Variants in EVA1C observed in about 807,000 individuals in gnomAD.
EVA1C encodes the protein protein eva-1 homolog C.
A neutral mutation model predicts 45.4 loss-of-function variants in EVA1C; 25 were observed. That is an observed-to-expected ratio of 0.55 (90% confidence interval 0.40 to 0.77). EVA1C has a LOEUF of 0.77. Among genes scored for constraint, EVA1C ranks in the 30% least tolerant of loss-of-function variants. The pLI is 0.00. For synonymous variants in EVA1C, 190 were observed against 221.2 expected (o/e 0.86, Z 1.25); for missense variants, 479 against 554.8 (o/e 0.86, Z 1.37).
At chr21:32,449,800 T>C (rs536408443) in intron 1 of EVA1C, among the ~76,000 whole-genome samples, 47 of 152,192 alleles carry the variant, frequency 3.1e-4, no homozygotes, top group Non-Finnish European at 3.8e-4. Context: ...TTTTTGCATT[T>C]TTAGTAGAGA....
At chr21:32,502,036 CT>C (rs368776643) in intron 6 of EVA1C, among the ~76,000 whole-genome samples, 57 of 78,154 alleles carry the variant, frequency 7.3e-4, no homozygotes, top group African/African-American at 1.0e-3. Context: ...TTCTTTCTTT[CT>C]TTCTTTCTTT....
chr21:32,433,911 C>T (rs2034816575), intron 1 of EVA1C, among the ~76,000 whole-genome samples: 1 of 152,120 alleles, frequency 6.6e-6, no homozygotes, highest in Non-Finnish European at 1.5e-5. Context: ...GCAATCCTAG[C>T]ACTTTGGGAG....
chr21:32,501,345 A>T, intron 5 of EVA1C, 70 bp from the exon 6 acceptor site: 1 of 1,324,190 alleles, frequency 7.6e-7, no homozygotes, highest in Non-Finnish European at 1.0e-6. Flanking sequence ...CATTGCATTT[A>T]AAAATGTATT....
intron 7 of EVA1C, among the ~76,000 whole-genome samples, chr21:32,504,852 T>G (rs1245675393): frequency 6.6e-6 from 1 of 152,044 alleles, no homozygotes; most frequent in Non-Finnish European, 1.5e-5. Context: ...AAGACATACC[T>G]GAGGCTGGGT....
At chr21:32,501,893 T>C (rs2037540846) in intron 6 of EVA1C, among the ~76,000 whole-genome samples, 1 of 152,098 alleles carries the variant, frequency 6.6e-6, no homozygotes, top group Non-Finnish European at 1.5e-5. Flanking sequence ...TGTACCTCTG[T>C]ACACACCACC....
In EVA1C at chr21:32,457,734, G is replaced by A; in HGVS notation, c.481+14G>A. Reference sequence around the variant, plus strand: ...AATGCCAACCTAGTAAGTAACTTCGGAGGGGGACAGTGTGTTTGGGGTGTG... The same window carrying A: ...AATGCCAACCTAGTAAGTAACTTCGAAGGGGGACAGTGTGTTTGGGGTGTG... On this transcript the variant is annotated intron_variant, in intron 3 of 7. Transcript: ENST00000300255. 1.2e-6 allele frequency: 2 copies of A among 1,614,018 alleles called. No individual in the cohort carries two copies. Among genetic ancestry groups the A allele is most frequent in the Non-Finnish European group, 1.7e-6 (2 of 1,179,924 alleles).
intron 4 of EVA1C, among the ~76,000 whole-genome samples, chr21:32,490,979 A>T (rs949055892): frequency 6.6e-6 from 1 of 152,248 alleles, no homozygotes; most frequent in Non-Finnish European, 1.5e-5. Flanking sequence ...CAGGACCAGC[A>T]TAAGTGCTGG....
At chr21:32,436,244 A>G (rs1374019740) in intron 1 of EVA1C, among the ~76,000 whole-genome samples, 1 of 152,042 alleles carries the variant, frequency 6.6e-6, no homozygotes, top group African/African-American at 2.4e-5. Flanking sequence ...TTGTATTTTT[A>G]ATAGAGACGG....
chr21:32,437,836 G>A (rs2035019227), intron 1 of EVA1C, among the ~76,000 whole-genome samples: 2 of 152,154 alleles, frequency 1.3e-5, no homozygotes, highest in Non-Finnish European at 2.9e-5. Flanking sequence ...TTAAGGCCAG[G>A]GCCATAGTGG....
chr21:32,467,473 T>C (rs1281089440), intron 3 of EVA1C, among the ~76,000 whole-genome samples: 1 of 152,214 alleles, frequency 6.6e-6, no homozygotes, highest in East Asian at 1.9e-4. Flanking sequence ...CCCCTTAGTT[T>C]AATTCCCAGG....
intron 4 of EVA1C, among the ~76,000 whole-genome samples, chr21:32,477,026 A>G (rs2833845): frequency 0.39 from 58,550 of 151,894 alleles, 11,625 homozygotes; most frequent in East Asian, 0.5. Flanking sequence ...CAACCGCCCC[A>G]TCATCAAGCA....
chr21:32,450,202 G>A (rs1387166504), intron 1 of EVA1C, among the ~76,000 whole-genome samples: 3 of 152,152 alleles, frequency 2.0e-5, no homozygotes, highest in Non-Finnish European at 4.4e-5. Context: ...GTCTGGAGGA[G>A]GTCAAGTTCT....
intron 1 of EVA1C, among the ~76,000 whole-genome samples, chr21:32,430,872 C>A (rs2034672652): frequency 6.7e-6 from 1 of 149,706 alleles, no homozygotes; most frequent in Non-Finnish European, 1.5e-5. Flanking sequence ...TCTCGGGAGG[C>A]TGAGGCACGA....
chr21:32,489,978 T>A (rs1322987392), intron 4 of EVA1C, among the ~76,000 whole-genome samples: 2 of 152,124 alleles, frequency 1.3e-5, no homozygotes, highest in Middle Eastern at 6.8e-3. Flanking sequence ...ATTTTTGTAT[T>A]TTTTTAGTAG....
At chr21:32,442,980 G>A (rs2035232344) in intron 1 of EVA1C, among the ~76,000 whole-genome samples, 1 of 144,274 alleles carries the variant, frequency 6.9e-6, no homozygotes, top group Non-Finnish European at 1.5e-5. Flanking sequence ...AAGAAGGGAA[G>A]GAAGGGAGGG....
intron 7 of EVA1C, among the ~76,000 whole-genome samples, chr21:32,513,801 G>A (rs1304939292): frequency 6.6e-6 from 1 of 151,532 alleles, no homozygotes; most frequent in African/African-American, 2.4e-5. Flanking sequence ...TTGGCCTCCC[G>A]AAGTGTTGGG....
At chr21:32,443,486 A>T (rs2035254412) in intron 1 of EVA1C, among the ~76,000 whole-genome samples, 1 of 152,144 alleles carries the variant, frequency 6.6e-6, no homozygotes, top group Non-Finnish European at 1.5e-5. Context: ...GCAGTGAGCC[A>T]AGATTGCGCC....
At position 32,453,447 on chromosome 21, in the gene EVA1C, C is replaced by T. The variant is rs780132233; in HGVS notation, c.296C>T (p.Ser99Phe). The change falls in exon 2 of 8, where the codon TCC becomes TTC. Residue 99 changes from serine to phenylalanine, a missense_variant. Physicochemically the swap from Ser to Phe is radical, Grantham distance 155. Transcript: ENST00000300255. ...GGGCAAGATTACCAAATGTGTAGTT[C>T]CCAGAAGCCTGCCTCCCAGAGGGAA... ...FYGQDYQMCS[S>F]QKPASQREDS... 3 of 1,611,430 alleles carry T rather than the reference C, an allele frequency of 1.9e-6. No individual in the cohort carries two copies.
At chr21:32,428,308 G>T (rs2146144202) in intron 1 of EVA1C, 2 of 152,308 alleles carry the variant, frequency 1.3e-5, no homozygotes, top group East Asian at 3.9e-4. Flanking sequence ...GAATGAAAGG[G>T]GCTTTTTACA....
Sources: allele counts gnomAD v4.1 joint callset (sites outside exome capture counted in the v4.1 genomes callset), GRCh38; gene constraint gnomAD v4.1.1; transcripts MANE v1.5; gene names NCBI Gene and HGNC (gene_info 2026-07-23, HGNC 2026-07-21).